The following LAMA1 variants were observed in gnomAD, a reference collection of about 807,000 sequenced individuals.
The protein encoded by LAMA1 is laminin subunit alpha 1, also known as laminin subunit alpha-1.
A neutral mutation model predicts 348.7 loss-of-function variants in LAMA1; 219 were observed. The ratio of observed to expected loss-of-function variants is 0.63; its 90% CI spans 0.56 to 0.70. The LOEUF (loss-of-function observed/expected upper bound fraction) is 0.70, where lower values mean the gene tolerates loss of function less well. LAMA1 is among the 30% of genes least tolerant of loss of function. The probability of loss-of-function intolerance (pLI) is 0.00; values close to 1 mark genes in which losing one functional copy is unlikely to be tolerated. For missense variants in LAMA1, 3,744 were observed against 3,888.0 expected, an observed-to-expected ratio of 0.96 and a Z score of 0.99; for synonymous variants, 1,487 against 1,491.0, an observed-to-expected ratio of 1.00 and a Z score of 0.06.
In LAMA1 at chr18:6,942,101, G is replaced by A; in HGVS notation, c.9206C>T (p.Ser3069Phe). ...AGTTCAGGACTCGGTCCCAGGACAG[G>A]AATGAAGGAAAACTCCGTGCAGTTC... Reference protein sequence around the residue: ...AFELHGVFLHSCPGTES With the variant: ...AFELHGVFLHFCPGTES Residue 3069 changes from serine (S) to phenylalanine (F), a missense_variant, in exon 63 of 63, where the codon TCC (serine) becomes TTC (phenylalanine). Around this residue, in one of 3 missense-constraint regions of LAMA1, gnomAD observed 232 missense variants for 264.4 expected, o/e 0.88. Transcript: ENST00000389658. 1 of 1,614,146 alleles carries A rather than the reference G, an allele frequency of 6.2e-7. No homozygotes were observed. The highest frequency in any genetic ancestry group is 8.5e-7 in the Non-Finnish European group (1 of 1,180,028).
intron 41 of LAMA1, 57 bp from the exon 42 acceptor site, chr18:6,980,694 G>A: frequency 1.0e-6 from 1 of 955,904 alleles, no homozygotes. Context: ...AAGTTGCCTA[G>A]GCAACAGCTT....
At position 7,116,428 on chromosome 18, in the gene LAMA1, A is replaced by T. The variant is rs202020228; in HGVS notation, c.61+1232T>A. The stretch of plus-strand genomic sequence containing the variant: ...TCTTCCCAGCCTGGCTCTGCGCAGC[A>T]GACTCGCAGCTATTCAATGCTGCGT... On this transcript the variant is annotated intron_variant, in intron 1 of 62. Transcript: ENST00000389658. Among the ~76,000 whole-genome samples the T allele has an allele frequency of 3.9e-5, 6 of 152,338 alleles. No homozygotes were observed. The East Asian group carries it at 1.2e-3, about 29-fold the overall frequency.
intron 16 of LAMA1, among the ~76,000 whole-genome samples, chr18:7,028,707 A>G (rs1264919521): frequency 1.3e-5 from 2 of 152,226 alleles, no homozygotes; most frequent in Non-Finnish European, 2.9e-5. Context: ...AAAATATGAA[A>G]AACCTTCCCC....
chr18:7,091,188 A>T (rs1488393286), intron 1 of LAMA1, among the ~76,000 whole-genome samples: 2 of 152,242 alleles, frequency 1.3e-5, no homozygotes, highest in South Asian at 2.1e-4. Context: ...GTTTCCAAGG[A>T]CAACAATTTA....
At chr18:7,028,545 T>C (rs928745214) in intron 16 of LAMA1, among the ~76,000 whole-genome samples, 1 of 152,222 alleles carries the variant, frequency 6.6e-6, no homozygotes, top group Non-Finnish European at 1.5e-5. Flanking sequence ...CAAGCCTTTT[T>C]CAGATAAAGG....
At chr18:7,000,022 A>C in intron 30 of LAMA1, 25 bp from the exon 31 acceptor site, 1 of 1,529,862 alleles carries the variant, frequency 6.5e-7, no homozygotes, top group Non-Finnish European at 9.1e-7. Context: ...TTTCTTTTTG[A>C]ATTTTCAGAT....
intron 33 of LAMA1, among the ~76,000 whole-genome samples, 169 bp from the exon 34 acceptor site, chr18:6,995,615 G>A (rs547179555): frequency 6.6e-6 from 1 of 151,896 alleles, no homozygotes; most frequent in East Asian, 1.9e-4. Context: ...CGATTATAGC[G>A]ACATGATTCT....
rs1410548312 is a variant in LAMA1 at position 6,982,582 on chromosome 18, T to G, written c.5805A>C (p.Glu1935Asp). Reference protein sequence around the residue: ...RTVTETSLLSESLVSNGKAAV... With the variant: ...RTVTETSLLSDSLVSNGKAAV... Reference sequence around the variant, plus strand: ...CCGCTTTCCCGTTAGAAACAAGGGATTCTGAGAGCTGGAAAACAGAACCAC... The same window carrying G: ...CCGCTTTCCCGTTAGAAACAAGGGAGTCTGAGAGCTGGAAAACAGAACCAC... Residue 1935 changes from glutamate (E) to aspartate (D), a missense_variant, in exon 41 of 63, where the codon GAA (glutamate) becomes GAC (aspartate). This residue lies in a region of LAMA1 where 1,983 missense variants were observed against 1,934.3 expected (regional missense o/e 1.03). Coordinates refer to ENST00000389658, the MANE Select transcript of LAMA1 (RefSeq NM_005559.4). 3.1e-6 allele frequency: 5 copies of G among 1,613,946 alleles called. No homozygotes were observed. In the Admixed American group the frequency reaches 8.3e-5, roughly 27 times the overall value.
chr18:7,046,982 A>G (rs2058044079), intron 5 of LAMA1, among the ~76,000 whole-genome samples: 2 of 151,648 alleles, frequency 1.3e-5, no homozygotes, highest in African/African-American at 4.8e-5. Flanking sequence ...TAGCTTTTCT[A>G]CATACATAAT....
chr18:6,962,331 G>A (rs554888682), intron 51 of LAMA1, among the ~76,000 whole-genome samples: 48 of 150,482 alleles, frequency 3.2e-4, no homozygotes, highest in African/African-American at 7.1e-4. Context: ...AGGATTGCTT[G>A]AGCCCAGGAG....
chr18:7,056,896 G>A (rs1281885279), intron 3 of LAMA1, among the ~76,000 whole-genome samples: 1 of 150,016 alleles, frequency 6.7e-6, no homozygotes, highest in East Asian at 1.9e-4. Flanking sequence ...TTTTGAGACA[G>A]TGTCTCGCTC....
At chr18:7,091,878 T>C (rs2058241055) in intron 1 of LAMA1, among the ~76,000 whole-genome samples, 1 of 152,188 alleles carries the variant, frequency 6.6e-6, no homozygotes, top group Non-Finnish European at 1.5e-5. Flanking sequence ...GCACTTGAGA[T>C]GTCAAATGCA....
At chr18:7,080,650 CG>C (rs557749605) in intron 1 of LAMA1, among the ~76,000 whole-genome samples, 193 bp from the exon 2 acceptor site, 4 of 152,278 alleles carry the variant, frequency 2.6e-5, no homozygotes, top group Admixed American at 1.3e-4. Flanking sequence ...AATTCATCTA[CG>C]GAGAAAAGTC....
chr18:6,989,830 C>G (rs1309763490), intron 36 of LAMA1, among the ~76,000 whole-genome samples: 1 of 152,118 alleles, frequency 6.6e-6, no homozygotes, highest in Non-Finnish European at 1.5e-5. Context: ...CTTCCTCAGC[C>G]CCCCACACAT....
chr18:7,003,542 G>A (rs950781825), intron 29 of LAMA1, among the ~76,000 whole-genome samples: 3 of 152,164 alleles, frequency 2.0e-5, no homozygotes, highest in South Asian at 2.1e-4. Context: ...ACAGGCGTGA[G>A]CCACCGTGCC....
intron 3 of LAMA1, among the ~76,000 whole-genome samples, chr18:7,077,199 CTTTTTTTTT>C (rs71165719): frequency 8.3e-6 from 1 of 119,770 alleles, no homozygotes; most frequent in East Asian, 2.6e-4. Context: ...CTGTTCTTTT[CTTTTTTTTT>C]TTTTTTTTTT....
intron 3 of LAMA1, among the ~76,000 whole-genome samples, 188 bp from the exon 4 acceptor site, chr18:7,051,124 A>C (rs2058061040): frequency 6.6e-6 from 1 of 152,152 alleles, no homozygotes; most frequent in African/African-American, 2.4e-5. Flanking sequence ...ATGCATACCA[A>C]GTTTCAGTTA....
intron 24 of LAMA1, 117 bp from the exon 25 acceptor site, chr18:7,011,596 A>T (rs2057860957): frequency 9.7e-7 from 1 of 1,027,310 alleles, no homozygotes; most frequent in African/African-American, 1.6e-5. Context: ...TAAAACAGAA[A>T]CAGTAAAGAC....
At chr18:6,974,514 TGGTAC>T (rs1024245722) in intron 46 of LAMA1, among the ~76,000 whole-genome samples, 148 of 150,030 alleles carry the variant, frequency 9.9e-4, no homozygotes, top group African/African-American at 3.4e-3. Flanking sequence ...TGGAGTGCAG[TGGTAC>T]GACCTCCACT....
Sources: gnomAD v4.1 joint callset for allele counts (sites outside exome capture counted in the v4.1 genomes callset) on GRCh38, gnomAD v4.1.1 for gene constraint, gnomAD v4.1.1 regional missense constraint, MANE v1.5 for transcripts, NCBI Gene and HGNC (gene_info 2026-07-23, HGNC 2026-07-21) for gene names.